RNFT2: variants seen among roughly 807,000 people sequenced by gnomAD.
The protein encoded by RNFT2 is ring finger protein, transmembrane 2.
In RNFT2, 36 loss-of-function variants were observed where a neutral mutation model predicts 53.0. The observed-to-expected ratio is 0.68, with a 90% CI of 0.52 to 0.90. RNFT2 has a LOEUF of 0.90. RNFT2 is among the 40% of genes least tolerant of loss of function. The probability of loss-of-function intolerance (pLI) is 0.00; values close to 1 mark genes in which losing one functional copy is unlikely to be tolerated. For missense variants in RNFT2, 514 were observed against 585.6 expected (o/e 0.88, Z 1.26); for synonymous variants, 260 against 253.2 (o/e 1.03, Z -0.26).
At chr12:116,741,650 C>T (rs1162656483) in intron 3 of RNFT2, among the ~76,000 whole-genome samples, 5 of 152,158 alleles carry the variant, frequency 3.3e-5, no homozygotes, top group African/African-American at 1.2e-4. Context: ...GATCAAATTA[C>T]AGGTTAGGTT....
intron 7 of RNFT2, among the ~76,000 whole-genome samples, chr12:116,820,042 T>C (rs1158421655): frequency 6.6e-6 from 1 of 152,252 alleles, no homozygotes; most frequent in East Asian, 1.9e-4. Flanking sequence ...TTGTTGTTTT[T>C]CTAAGACTTT....
chr12:116,765,421 G>A (rs1872866090), intron 5 of RNFT2, among the ~76,000 whole-genome samples: 1 of 152,142 alleles, frequency 6.6e-6, no homozygotes, highest in Non-Finnish European at 1.5e-5. Context: ...AACAGTGCGT[G>A]GGGCACTGAG....
intron 7 of RNFT2, among the ~76,000 whole-genome samples, chr12:116,803,837 G>A (rs1285014015): frequency 6.6e-6 from 1 of 152,226 alleles, no homozygotes; most frequent in East Asian, 1.9e-4. Flanking sequence ...GCCAATGAGG[G>A]AAGGGAAACT....
chr12:116,821,798 GTTTC>G (rs1876042380), intron 7 of RNFT2, among the ~76,000 whole-genome samples: 1 of 61,966 alleles, frequency 1.6e-5, no homozygotes, highest in Non-Finnish European at 3.1e-5. Context: ...CTGACTACTT[GTTTC>G]TTTTTTTTTT....
At chr12:116,808,085 TC>T (rs1293660352) in intron 7 of RNFT2, among the ~76,000 whole-genome samples, 4 of 152,136 alleles carry the variant, frequency 2.6e-5, no homozygotes, top group African/African-American at 9.7e-5. Flanking sequence ...TGCCTCAGCC[TC>T]CCAAATAACT....
intron 7 of RNFT2, among the ~76,000 whole-genome samples, chr12:116,788,830 G>GGATGGATGGATGGATA (rs1874060918): frequency 6.3e-5 from 1 of 15,936 alleles, no homozygotes; most frequent in Admixed American, 1.4e-3. Flanking sequence ...ATGGATAGAT[G>GGATGGATGGATGGATA]GATGGATGGA....
chr12:116,795,483 A>G (rs1042186769), intron 7 of RNFT2, among the ~76,000 whole-genome samples: 4 of 152,110 alleles, frequency 2.6e-5, no homozygotes, highest in Non-Finnish European at 5.9e-5. Flanking sequence ...GCTGTCTAAT[A>G]TAGTAGCTAC....
In RNFT2 at chr12:116,851,985, C is replaced by T. The variant is rs1320086586; in HGVS notation, c.*2537C>T. 6.7e-7 allele frequency: 1 copy of T among 1,488,758 alleles called. No individual in the cohort carries two copies. Among genetic ancestry groups the T allele is most frequent in the Non-Finnish European group, 8.9e-7 (1 of 1,124,840 alleles). The allele number at this position is 1,488,758 out of a possible 1,614,324, so 92.2% of individuals were successfully genotyped here. On this transcript the variant is annotated 3_prime_UTR_variant, in exon 11 of 11. Coordinates refer to ENST00000257575, the MANE Select transcript of RNFT2 (RefSeq NM_001382266.1). ...GGACAACCTATGTTATGGATGTTTCCACCAACCAGGGTAGTGGCATGGAGC... is the reference window on the plus strand; with the variant it reads ...GGACAACCTATGTTATGGATGTTTCTACCAACCAGGGTAGTGGCATGGAGC...
At chr12:116,819,334 G>C (rs1280985758) in intron 7 of RNFT2, among the ~76,000 whole-genome samples, 1 of 152,206 alleles carries the variant, frequency 6.6e-6, no homozygotes, top group Non-Finnish European at 1.5e-5. Context: ...TCAGGCTCGG[G>C]GGCCTGGTAC....
intron 7 of RNFT2, among the ~76,000 whole-genome samples, chr12:116,807,763 C>T (rs1214782666): frequency 6.6e-6 from 1 of 152,044 alleles, no homozygotes. Context: ...CCCTGGTACC[C>T]TCCTTTTCTG....
At chr12:116,836,506 G>A (rs1416362674) in intron 10 of RNFT2, among the ~76,000 whole-genome samples, 1 of 152,194 alleles carries the variant, frequency 6.6e-6, no homozygotes, top group Non-Finnish European at 1.5e-5. Flanking sequence ...TTAGTAAGAT[G>A]TAGAATGCCA....
At chr12:116,803,496 C>A (rs1398114167) in intron 7 of RNFT2, among the ~76,000 whole-genome samples, 1 of 152,136 alleles carries the variant, frequency 6.6e-6, no homozygotes, top group African/African-American at 2.4e-5. Flanking sequence ...AAATAAAAGC[C>A]ACTCCGCTGA....
chr12:116,814,607 A>G (rs912785648), intron 7 of RNFT2, among the ~76,000 whole-genome samples: 2 of 152,156 alleles, frequency 1.3e-5, no homozygotes, highest in African/African-American at 4.8e-5. Flanking sequence ...GGGGCAGGGC[A>G]ACTTCATGGG....
chr12:116,846,412 C>T (rs114956193), intron 10 of RNFT2, among the ~76,000 whole-genome samples: 1,756 of 150,748 alleles, frequency 0.012, 29 homozygotes, highest in African/African-American at 0.04. Flanking sequence ...GTAGCTGGGA[C>T]GGCACATGCC....
intron 3 of RNFT2, among the ~76,000 whole-genome samples, chr12:116,742,690 C>G (rs1871668820): frequency 6.6e-6 from 1 of 152,138 alleles, no homozygotes; most frequent in Admixed American, 6.5e-5. Context: ...CGCCTGTAAT[C>G]CCAACACTTT....
At chr12:116,841,864 T>A (rs1282113413) in intron 10 of RNFT2, among the ~76,000 whole-genome samples, 1 of 26,200 alleles carries the variant, frequency 3.8e-5, no homozygotes, top group Non-Finnish European at 8.3e-5. Context: ...TAAAAATATA[T>A]ATATAAATAT....
At chr12:116,767,777 A>C (rs1215970067) in intron 6 of RNFT2, among the ~76,000 whole-genome samples, 1 of 149,774 alleles carries the variant, frequency 6.7e-6, no homozygotes, top group Non-Finnish European at 1.5e-5. Flanking sequence ...ACAGGGTTTC[A>C]CCATATTGGT....
chr12:116,787,769 C>T (rs926154462), intron 7 of RNFT2, among the ~76,000 whole-genome samples: 5 of 151,732 alleles, frequency 3.3e-5, no homozygotes, highest in Non-Finnish European at 5.9e-5. Flanking sequence ...GAAGAGTTAT[C>T]ACCTAGAGAG....
Position 116,754,023 on chromosome 12 carries a change from A to G in RNFT2, c.590A>G (p.Tyr197Cys). Residue 197 changes from tyrosine (Y) to cysteine (C), a missense_variant, in exon 5 of 11, where the codon TAT becomes TGT. Physicochemically the swap from Tyr to Cys is radical, Grantham distance 194. Coordinates refer to ENST00000257575, the MANE Select transcript of RNFT2 (RefSeq NM_001382266.1). ...ATCGGGATGGCCAGCACCTTCGCCT[A>G]TGCCAACTCCACGCTTCGAGAACAG... is the stretch of plus-strand genomic sequence containing the variant. ...VCIGMASTFA[Y>C]ANSTLREQVS... The G allele has an allele frequency of 1.2e-6, 2 of 1,613,940 alleles. No individual in the cohort carries two copies. The highest frequency in any genetic ancestry group is 1.1e-5 in the South Asian group (1 of 91,080).
Sources: allele counts gnomAD v4.1 joint callset (sites outside exome capture counted in the v4.1 genomes callset), GRCh38; gene constraint gnomAD v4.1.1; transcripts MANE v1.5; gene names NCBI Gene and HGNC (gene_info 2026-07-23, HGNC 2026-07-21).